The following DMD variants were observed in gnomAD, a reference collection of about 807,000 sequenced individuals.
DMD encodes the protein mutant dystrophin.
Under a neutral mutation model 330.1 loss-of-function variants are expected in DMD, and 63 were observed. The ratio of observed to expected loss-of-function variants is 0.19; its 90% CI spans 0.16 to 0.24. The LOEUF (loss-of-function observed/expected upper bound fraction) is 0.24, where lower values mean the gene tolerates loss of function less well. DMD is among the 10% of genes least tolerant of loss of function. DMD has a pLI of 1.00. For synonymous variants in DMD, 1,223 were observed against 959.8 expected (o/e 1.27, Z -5.07); for missense variants, 3,344 against 2,684.1 (o/e 1.25, Z -5.43).
intron 43 of DMD, among the ~76,000 whole-genome samples, chrX:32,240,813 G>A (rs1603628938): frequency 9.0e-6 from 1 of 111,478 alleles, no homozygotes; most frequent in East Asian, 2.8e-4. Context: ...ACTCACTCAC[G>A]TCTGCTGGGA....
At chrX:31,225,223 T>C (rs12847618) in intron 63 of DMD, among the ~76,000 whole-genome samples, 17,853 of 111,889 alleles carry the variant, frequency 0.16, 1,197 homozygotes, top group East Asian at 0.24. Context: ...AGCTACACTG[T>C]AGAGGTGGTC....
intron 55 of DMD, among the ~76,000 whole-genome samples, chrX:31,571,926 A>C (rs749553590): frequency 4.5e-5 from 5 of 111,698 alleles, no homozygotes; most frequent in African/African-American, 1.6e-4. Context: ...GAGTCCTGGA[A>C]ACCTTTAGGT....
intron 53 of DMD, among the ~76,000 whole-genome samples, chrX:31,675,241 A>G (rs1376617922): frequency 1.8e-5 from 2 of 112,244 alleles, no homozygotes; most frequent in Non-Finnish European, 3.8e-5. Flanking sequence ...TCACCAAATC[A>G]AGACTCTCCT....
intron 1 of DMD, among the ~76,000 whole-genome samples, chrX:33,022,829 C>T (rs1386714938): frequency 1.8e-5 from 2 of 111,297 alleles, no homozygotes; most frequent in Non-Finnish European, 3.8e-5. Flanking sequence ...TAATCAGAGT[C>T]ACAAAAGGTG....
chrX:33,249,838 T>G lies in DMD; in HGVS notation c.7+89421A>C, dbSNP rs1194181784. 2.7e-5 allele frequency among the ~76,000 whole-genome samples: 3 copies of G among 110,444 alleles called. No individual in the cohort carries two copies. In the East Asian group the frequency reaches 8.5e-4, roughly 31 times the overall value. ...AAATTTTATTTTCAATATGTTTGGC[T>G]TTATGGAGATGATATTTACCATGTA... is the stretch of plus-strand genomic sequence containing the variant. On this transcript the variant is annotated intron_variant, in intron 1 of 17. Transcript: ENST00000288447.
intron 16 of DMD, among the ~76,000 whole-genome samples, chrX:32,560,392 C>A (rs1049494920): frequency 1.8e-5 from 2 of 110,948 alleles, no homozygotes; most frequent in Non-Finnish European, 3.8e-5. Flanking sequence ...TGCTTCAAAT[C>A]ACATACATTA....
rs768507357 is a variant in DMD, at chrX:32,488,522, C to T, written c.2622+2755G>A. Among the ~76,000 whole-genome samples, 99 of 111,752 alleles carry T rather than the reference C, an allele frequency of 8.9e-4. No individual in the cohort carries two copies. In the Middle Eastern group the frequency reaches 0.014, roughly 16 times the overall value. On this transcript the variant is annotated intron_variant, in intron 20 of 78. Coordinates refer to ENST00000357033, the MANE Select transcript of DMD (RefSeq NM_004006.3). ...TTACCTATCACTAATCTCAGCAGAA[C>T]AGTATATATATTTGCCCTTGTATGA...
chrX:32,611,442 CAT>C (rs1180976906), intron 12 of DMD, among the ~76,000 whole-genome samples: 4 of 111,441 alleles, frequency 3.6e-5, no homozygotes, highest in African/African-American at 1.3e-4. Flanking sequence ...AAGGCAATTT[CAT>C]AGTCATTAGA....
intron 29 of DMD, among the ~76,000 whole-genome samples, chrX:32,419,272 T>A (rs986488907): frequency 1.8e-5 from 2 of 111,927 alleles, no homozygotes; most frequent in East Asian, 5.6e-4. Flanking sequence ...GAAGAAATAA[T>A]TTACCAATGC....
chrX:31,616,586 C>T (rs1199463281), intron 55 of DMD, among the ~76,000 whole-genome samples: 1 of 112,148 alleles, frequency 8.9e-6, no homozygotes, highest in Non-Finnish European at 1.9e-5. Flanking sequence ...ACTTATTGAA[C>T]ACTTTTCATG....
chrX:33,168,565 T>C (rs2049176742), intron 1 of DMD, among the ~76,000 whole-genome samples: 1 of 110,593 alleles, frequency 9.0e-6, no homozygotes. Context: ...ATTAAACATA[T>C]TAAAGAGATA....
rs1175611842 is a variant in DMD, at chrX:31,951,197, ATATCT to A, written c.6614+17137_6614+17141del. Among the ~76,000 whole-genome samples, 6 of 98,212 alleles carry A rather than the reference ATATCT, an allele frequency of 6.1e-5. No homozygotes were observed. The East Asian group carries it at 1.5e-3, about 25-fold the overall frequency. The allele number at this position is 98,212 out of a possible 115,157, so 85.3% of individuals were successfully genotyped here. A position where few individuals can be genotyped will look rare whatever the true frequency, so the allele number is the denominator to read the frequency against. Reference sequence around the variant, plus strand: ...TATGTATATATATATATCTTAATAGATATCTTATACATATAACCTGGAGGTAATTT... The same window carrying A: ...TATGTATATATATATATCTTAATAGATATACATATAACCTGGAGGTAATTT... On this transcript the variant is annotated intron_variant, in intron 45 of 78. Transcript: ENST00000357033.
At chrX:32,774,194 A>G (rs1423185479) in intron 7 of DMD, among the ~76,000 whole-genome samples, 1 of 112,286 alleles carries the variant, frequency 8.9e-6, no homozygotes, top group East Asian at 2.8e-4. Context: ...CAATTTTACT[A>G]AAAATAAGTT....
intron 59 of DMD, among the ~76,000 whole-genome samples, chrX:31,473,131 C>T (rs1457873928): frequency 4.0e-4 from 43 of 107,652 alleles, no homozygotes; most frequent in Admixed American, 3.0e-3. Context: ...CCAAGGTGAA[C>T]GGATCACCTG....
In DMD at chrX:32,624,364, C is replaced by T. The variant is rs191554130; in HGVS notation, c.1332-9911G>A. On this transcript the variant is annotated intron_variant, in intron 11 of 78. Transcript: ENST00000357033. ...CAGGACATGATACTAGGAACTGCTA[C>T]GGTAAACTTCCAATCGTTCAGATCA... Among the ~76,000 whole-genome samples, 61 of 111,732 alleles carry T rather than the reference C, an allele frequency of 5.5e-4. 1 individual carries two copies. The highest frequency in any genetic ancestry group is 4.8e-3 in the Admixed American group (50 of 10,523).
At position 31,370,915 on chromosome X, in the gene DMD, G is replaced by C. The variant is rs747626785; in HGVS notation, c.9085-22281C>G. Among the ~76,000 whole-genome samples the C allele has an allele frequency of 1.5e-4, 17 of 112,105 alleles. No homozygotes were observed. In the South Asian group the frequency reaches 5.5e-3, roughly 36 times the overall value. On this transcript the variant is annotated intron_variant, in intron 60 of 78. Transcript: ENST00000357033. ...TAGGGAATTATGTTGAGTGAGTCAA[G>C]TCCATCCCAAAATATTACATACTGT...
chrX:33,318,441 A>G (rs923333243), intron 1 of DMD, among the ~76,000 whole-genome samples: 2 of 107,577 alleles, frequency 1.9e-5, no homozygotes, highest in Admixed American at 2.0e-4. Flanking sequence ...ACATTTAATT[A>G]CTCAGTGTAT....
intron 42 of DMD, among the ~76,000 whole-genome samples, chrX:32,300,770 G>C (rs2097520095): frequency 9.0e-6 from 1 of 111,073 alleles, no homozygotes; most frequent in South Asian, 3.7e-4. Flanking sequence ...CTTTAGTGTT[G>C]TGTGACTCAG....
rs759824486 is a variant in DMD at position 32,343,260 on chromosome X, C to T, written c.5613G>A (p.Lys1871=). Residue 1871 remains lysine, a synonymous_variant, in exon 40 of 79, where the codon AAG becomes AAA. Transcript: ENST00000357033. ...ACCACTGATGAGAAATTTCTAGAGC[C>T]TTTTTTCTTCTTTGAGACCTCAAAT... ...LKDLRSQRRK[K]ALEISHQWYQ... is the part of the protein sequence containing the mutation. 8.3e-7 allele frequency: 1 copy of T among 1,207,539 alleles called. No individual in the cohort carries two copies. The highest frequency in any genetic ancestry group is 1.7e-5 in the African/African-American group (1 of 57,392).
Sources: allele counts gnomAD v4.1 joint callset (sites outside exome capture counted in the v4.1 genomes callset), GRCh38; gene constraint gnomAD v4.1.1; transcripts MANE v1.5; gene names NCBI Gene and HGNC (gene_info 2026-07-23, HGNC 2026-07-21).